Variants in SUN1 observed in about 807,000 individuals in gnomAD.
SUN1 encodes Sad1 and UNC84 domain containing 1.
A neutral mutation model predicts 103.2 loss-of-function variants in SUN1; 61 were observed. The ratio of observed to expected loss-of-function variants is 0.59; its 90% confidence interval spans 0.48 to 0.73. SUN1 has a LOEUF of 0.73. Ranked by LOEUF, SUN1 falls within the 30% of genes least tolerant of loss-of-function variation. The probability of loss-of-function intolerance (pLI) is 0.00; values close to 1 mark genes in which losing one functional copy is unlikely to be tolerated. For synonymous variants in SUN1, 490 were observed against 425.7 expected (o/e 1.15, Z -1.86); for missense variants, 1,052 against 1,034.6 (o/e 1.02, Z -0.23).
intron 1 of SUN1, among the ~76,000 whole-genome samples, chr7:827,426 A>T (rs1793264122): frequency 6.6e-6 from 1 of 150,656 alleles, no homozygotes; most frequent in African/African-American, 2.4e-5. Flanking sequence ...TGAATAGTAG[A>T]CTCAAGTGAT....
intron 2 of SUN1, among the ~76,000 whole-genome samples, chr7:839,500 C>T (rs796462403): frequency 7.9e-5 from 12 of 152,270 alleles, no homozygotes; most frequent in Admixed American, 2.6e-4. Flanking sequence ...TTCTACTGCA[C>T]GCAGCCTCCT....
intron 16 of SUN1, 179 bp from the exon 17 acceptor site, chr7:869,170 G>T: frequency 1.9e-5 from 13 of 691,986 alleles, no homozygotes; most frequent in Non-Finnish European, 1.7e-5. Flanking sequence ...TGGAGATAGT[G>T]GCCCTCTGAG....
At chr7:819,033 T>G (rs1051825345) in intron 1 of SUN1, among the ~76,000 whole-genome samples, 9 of 152,072 alleles carry the variant, frequency 5.9e-5, no homozygotes, top group African/African-American at 1.7e-4. Context: ...CCGGCTAATT[T>G]TGTATTTTTA....
chr7:820,523 A>C (rs7783487), intron 1 of SUN1, among the ~76,000 whole-genome samples: 58,292 of 152,102 alleles, frequency 0.38, 11,496 homozygotes, highest in African/African-American at 0.47. Flanking sequence ...TCTGAGAATA[A>C]AGATAGTTTG....
chr7:849,397 T>G (rs1222636601), intron 5 of SUN1: 508 of 670,230 alleles, frequency 7.6e-4, no homozygotes, highest in Middle Eastern at 7.3e-4. Context: ...CCATCGGCTG[T>G]GGGAACTCTG....
chr7:866,278 T>C (rs948025775), intron 16 of SUN1, among the ~76,000 whole-genome samples: 1 of 152,196 alleles, frequency 6.6e-6, no homozygotes, highest in Non-Finnish European at 1.5e-5. Context: ...GGGTTTAGCG[T>C]CACACAGATG....
At position 849,645 on chromosome 7, in the gene SUN1, TTGGTCCCACACGC is replaced by T. The variant is rs1366901372; in HGVS notation, c.659-1736_659-1724del. 4 of 1,535,674 alleles carry T rather than the reference TTGGTCCCACACGC, an allele frequency of 2.6e-6. No individual in the cohort carries two copies. In the South Asian group the frequency reaches 4.5e-5, roughly 17 times the overall value. ...TTTCCTGTGGGCGTCGGTCGTGGAG[TTGGTCCCACACGC>T]TGTCATGTTGGGTACTAGCAGTAGA... On this transcript the variant is annotated intron_variant, in intron 5 of 18. Transcript: ENST00000401592.
chr7:869,198 C>T (rs956737013), intron 16 of SUN1, 151 bp from the exon 17 acceptor site: 9 of 963,568 alleles, frequency 9.3e-6, no homozygotes, highest in Non-Finnish European at 1.4e-5. Context: ...TTACAAATGC[C>T]TTTCCCAGCT....
At chr7:827,466 GTTT>G (rs35772182) in intron 1 of SUN1, among the ~76,000 whole-genome samples, 3 of 133,242 alleles carry the variant, frequency 2.3e-5, no homozygotes, top group African/African-American at 8.4e-5. Flanking sequence ...TCTAAAGTCC[GTTT>G]TTTTTTTTTT....
intron 1 of SUN1, among the ~76,000 whole-genome samples, chr7:821,830 A>G (rs922801003): frequency 6.6e-6 from 1 of 152,218 alleles, no homozygotes. Flanking sequence ...GAGTTCCCAC[A>G]TCGGGGTTCA....
chr7:856,344 C>A lies in SUN1; in HGVS notation c.1351-14C>A. 2.5e-6 allele frequency: 4 copies of A among 1,613,270 alleles called. No individual in the cohort carries two copies. Among genetic ancestry groups the A allele is most frequent in the Non-Finnish European group, 3.4e-6 (4 of 1,179,306 alleles). ...ACTTATGTGTTTCAGTAGACTATTT[C>A]TCATACTTTTTAGGCCATCCAGAAG... On this transcript the variant is annotated splice_polypyrimidine_tract_variant and intron_variant, in intron 11 of 18. Coordinates refer to ENST00000401592, the MANE Select transcript of SUN1 (RefSeq NM_001130965.3).
upstream of SUN1, chr7:831,996 G>A (rs936424599): frequency 6.6e-5 from 65 of 983,142 alleles, no homozygotes; most frequent in Non-Finnish European, 7.5e-5. Context: ...AGTGCCTTAA[G>A]CTTTTTTGTT....
chr7:847,168 G>A (rs1169082531), intron 5 of SUN1, among the ~76,000 whole-genome samples: 2 of 152,196 alleles, frequency 1.3e-5, no homozygotes, highest in African/African-American at 2.4e-5. Flanking sequence ...AAGTGGCCAC[G>A]GCTCGGGTAC....
At chr7:834,405 C>A (rs1800935337) in intron 1 of SUN1, among the ~76,000 whole-genome samples, 2 of 152,198 alleles carry the variant, frequency 1.3e-5, no homozygotes, top group Non-Finnish European at 2.9e-5. Flanking sequence ...GACCAGCCGC[C>A]TCACCTGAGT....
Position 860,118 on chromosome 7 carries a change from G to A in SUN1, c.1525-10G>A, listed in dbSNP as rs367938801. 1 of 1,612,808 alleles carries A rather than the reference G, an allele frequency of 6.2e-7. No homozygotes were observed. The highest frequency in any genetic ancestry group is 1.1e-5 in the South Asian group (1 of 91,074). Reference sequence around the variant, plus strand: ...AATAGGACATTTGTGTCCGTCTGCTGTTTTACTAGGTGGACGTGCAAGTCA... The same window carrying A: ...AATAGGACATTTGTGTCCGTCTGCTATTTTACTAGGTGGACGTGCAAGTCA... On this transcript the variant is annotated splice_polypyrimidine_tract_variant and intron_variant, in intron 13 of 18. Coordinates refer to ENST00000401592, the MANE Select transcript of SUN1 (RefSeq NM_001130965.3).
At chr7:836,185 A>C (rs1026266492) in intron 1 of SUN1, among the ~76,000 whole-genome samples, 4 of 152,166 alleles carry the variant, frequency 2.6e-5, no homozygotes, top group African/African-American at 9.7e-5. Flanking sequence ...GCTGGTGGTC[A>C]GGAGCCAGTA....
chr7:868,427 G>A, intron 16 of SUN1: 1 of 282,702 alleles, frequency 3.5e-6, no homozygotes, highest in Non-Finnish European at 7.0e-6. Context: ...CTGCACCGTG[G>A]CCGGGTTAGG....
chr7:817,395 C>A, intron 1 of SUN1: 1 of 1,533,798 alleles, frequency 6.5e-7, no homozygotes, highest in South Asian at 1.2e-5. Flanking sequence ...CTTCAAAGTG[C>A]CCAGAATGGT....
intron 17 of SUN1, among the ~76,000 whole-genome samples, chr7:870,993 C>T (rs748285523): frequency 1.1e-4 from 17 of 150,012 alleles, no homozygotes; most frequent in Non-Finnish European, 2.4e-4. Context: ...CGGGTTCAAG[C>T]GATTCTCCTG....
Sources: allele counts gnomAD v4.1 joint callset (sites outside exome capture counted in the v4.1 genomes callset), GRCh38; gene constraint gnomAD v4.1.1; transcripts MANE v1.5; gene names NCBI Gene and HGNC (gene_info 2026-07-23, HGNC 2026-07-21).